Variants in PCSK6 observed in about 807,000 individuals in gnomAD.
PCSK6 encodes proprotein convertase subtilisin/kexin type 6.
In PCSK6, 85 loss-of-function variants were observed where a neutral mutation model predicts 123.3. The ratio of observed to expected loss-of-function variants is 0.69; its 90% CI spans 0.58 to 0.83. The LOEUF is 0.83. Ranked by LOEUF, PCSK6 falls within the 40% of genes least tolerant of loss-of-function variation. The probability of loss-of-function intolerance (pLI) is 0.00; values close to 1 mark genes in which losing one functional copy is unlikely to be tolerated. For missense variants in PCSK6, 1,191 were observed against 1,282.3 expected (o/e 0.93, Z 1.09); for synonymous variants, 508 against 516.0 (o/e 0.98, Z 0.21).
intron 2 of PCSK6, among the ~76,000 whole-genome samples, chr15:101,440,324 T>G (rs1307370158): frequency 2.0e-5 from 3 of 152,228 alleles, no homozygotes; most frequent in Non-Finnish European, 4.4e-5. Flanking sequence ...TAATTAAGAA[T>G]GCAAGGAAAA....
intron 20 of PCSK6, chr15:101,308,976 G>A (rs1170127839): frequency 6.6e-6 from 1 of 152,350 alleles, no homozygotes; most frequent in Non-Finnish European, 1.5e-5. Flanking sequence ...GAACTGTGGT[G>A]AGGAGCGCGC....
At chr15:101,344,075 C>CA (rs752841885) in intron 13 of PCSK6, among the ~76,000 whole-genome samples, 4,395 of 140,252 alleles carry the variant, frequency 0.031, 86 homozygotes, top group Admixed American at 0.056. Context: ...GATTCTGTCT[C>CA]AAAAAAAAAA....
At chr15:101,440,398 A>G (rs6598473) in intron 2 of PCSK6, among the ~76,000 whole-genome samples, 116,321 of 152,286 alleles carry the variant, frequency 0.76, 45,869 homozygotes, top group Non-Finnish European at 0.88. Flanking sequence ...GCGTGCACAC[A>G]CGTGCTTAAC....
intron 1 of PCSK6, among the ~76,000 whole-genome samples, chr15:101,474,306 G>C (rs2057674353): frequency 6.6e-6 from 1 of 152,098 alleles, no homozygotes. Flanking sequence ...ACTCCAACTG[G>C]GACAAGGAGG....
chr15:101,460,479 G>A (rs1346812804), intron 1 of PCSK6, among the ~76,000 whole-genome samples: 1 of 152,236 alleles, frequency 6.6e-6, no homozygotes, highest in African/African-American at 2.4e-5. Flanking sequence ...TAAGGGACAG[G>A]GGTAGCAGAG....
At chr15:101,408,918 A>G (rs74642952) in intron 6 of PCSK6, among the ~76,000 whole-genome samples, 1 of 152,228 alleles carries the variant, frequency 6.6e-6, no homozygotes, top group Non-Finnish European at 1.5e-5. Flanking sequence ...TCAGTTCCCC[A>G]ATCAAAATAT....
intron 1 of PCSK6, among the ~76,000 whole-genome samples, chr15:101,463,867 G>A (rs2057394847): frequency 6.6e-6 from 1 of 152,064 alleles, no homozygotes. Context: ...CATATAGAAG[G>A]GGAAAAAGAA....
rs1179710613 is a variant in PCSK6 at position 101,454,976 on chromosome 15, G to GAATAAATAAATAAATAAATA, written c.298-11317_298-11316insTATTTATTTATTTATTTATT. Among the ~76,000 whole-genome samples, 34 of 132,690 alleles carry GAATAAATAAATAAATAAATA rather than the reference G, an allele frequency of 2.6e-4. 1 individual carries two copies. The highest frequency in any genetic ancestry group is 1.3e-3 in the African/African-American group (34 of 26,648). The allele number at this position is 132,690 out of a possible 152,430, so 87.0% of individuals were successfully genotyped here. A position where few individuals can be genotyped will look rare whatever the true frequency, so the allele number is the denominator to read the frequency against. ...TGAATGAATGAATGAATGAATGAAT[G>GAATAAATAAATAAATAAATA]AATGAATAAATAAATAAATAAAAGG... On this transcript the variant is annotated intron_variant, in intron 1 of 21. Transcript: ENST00000611716.
At chr15:101,456,895 G>T (rs1289711178) in intron 1 of PCSK6, among the ~76,000 whole-genome samples, 1 of 152,122 alleles carries the variant, frequency 6.6e-6, no homozygotes, top group Non-Finnish European at 1.5e-5. Context: ...TCTCAGCTTG[G>T]GCTGGGCACA....
chr15:101,465,632 A>G (rs8043379), intron 1 of PCSK6, among the ~76,000 whole-genome samples: 116,944 of 151,930 alleles, frequency 0.77, 45,381 homozygotes, highest in Non-Finnish European at 0.82. Context: ...TTCTTAAACA[A>G]GAACAGAGGA....
intron 9 of PCSK6, among the ~76,000 whole-genome samples, chr15:101,386,146 G>T (rs2042056313): frequency 6.6e-6 from 1 of 152,072 alleles, no homozygotes; most frequent in Admixed American, 6.5e-5. Context: ...GTGTTTACTA[G>T]GAACGCACGC....
At chr15:101,307,471 C>T in intron 20 of PCSK6, 146 bp from the exon 21 acceptor site, 1 of 622,198 alleles carries the variant, frequency 1.6e-6, no homozygotes, top group East Asian at 2.8e-5. Flanking sequence ...CCCACCATTC[C>T]CTGACACAGG....
At chr15:101,382,065 G>A (rs1470139565) in intron 11 of PCSK6, 27 bp downstream of exon 11, 65 of 1,521,622 alleles carry the variant, frequency 4.3e-5, no homozygotes, top group Non-Finnish European at 5.8e-5. Flanking sequence ...TGCCTGAGAA[G>A]TCACCGATGC....
intron 6 of PCSK6, among the ~76,000 whole-genome samples, chr15:101,401,939 C>G: frequency 6.6e-6 from 1 of 151,722 alleles, no homozygotes; most frequent in South Asian, 2.1e-4. Flanking sequence ...CATATGGAAC[C>G]AAAAAAGAGC....
intron 9 of PCSK6, among the ~76,000 whole-genome samples, chr15:101,385,441 G>A (rs1381953019): frequency 6.6e-6 from 1 of 152,118 alleles, no homozygotes; most frequent in Non-Finnish European, 1.5e-5. Context: ...GCTGAACTTG[G>A]TCCTGTCTAT....
Position 101,331,641 on chromosome 15 carries a change from G to T in PCSK6, c.2077+10C>A, listed in dbSNP as rs1244723622. 3.1e-6 allele frequency: 5 copies of T among 1,612,424 alleles called. No individual in the cohort carries two copies. Among genetic ancestry groups the T allele is most frequent in the Non-Finnish European group, 3.4e-6 (4 of 1,178,860 alleles). On this transcript the variant is annotated intron_variant, in intron 15 of 21. Coordinates refer to ENST00000611716, the MANE Select transcript of PCSK6 (RefSeq NM_002570.5). ...GTTGGAAAATACTTACTGGTTTGAA[G>T]CATACTTACTGGTCTGTAAAATATT...
intron 13 of PCSK6, among the ~76,000 whole-genome samples, chr15:101,342,675 G>A (rs1225085557): frequency 6.6e-6 from 1 of 152,222 alleles, no homozygotes; most frequent in Admixed American, 6.5e-5. Context: ...GCTGAGGCGG[G>A]TGGATCATCT....
chr15:101,350,909 G>A (rs76271671), intron 13 of PCSK6, among the ~76,000 whole-genome samples: 1 of 152,230 alleles, frequency 6.6e-6, no homozygotes, highest in African/African-American at 2.4e-5. Context: ...CAGAACCTTT[G>A]TGAGCTGGTT....
intron 1 of PCSK6, among the ~76,000 whole-genome samples, chr15:101,473,251 A>AT (rs1359595512): frequency 6.7e-6 from 1 of 150,284 alleles, no homozygotes; most frequent in Non-Finnish European, 1.5e-5. Context: ...TAATTTTTTT[A>AT]TTTTTTGTAG....
Sources: allele counts gnomAD v4.1 joint callset (sites outside exome capture counted in the v4.1 genomes callset), GRCh38; gene constraint gnomAD v4.1.1; transcripts MANE v1.5; gene names NCBI Gene and HGNC (gene_info 2026-07-23, HGNC 2026-07-21).